PRSS54: variants seen among roughly 807,000 people sequenced by gnomAD.
The protein encoded by PRSS54 is inactive serine protease 54.
PRSS54 carries 16 observed loss-of-function variants against 19.9 expected under a neutral mutation model. The observed-to-expected ratio is 0.80, with a 90% CI of 0.54 to 1.22. PRSS54 has a LOEUF of 1.22. Among genes scored for constraint, PRSS54 ranks in the 50% most tolerant of loss-of-function variants. The probability of loss-of-function intolerance (pLI) is 0.00; values close to 1 mark genes in which losing one functional copy is unlikely to be tolerated. For synonymous variants in PRSS54, 177 were observed against 195.8 expected, an observed-to-expected ratio of 0.90 and a Z score of 0.80; for missense variants, 444 against 494.8, an observed-to-expected ratio of 0.90 and a Z score of 0.97.
chr16:58,288,378 A>C (rs1426690814), intron 4 of PRSS54, among the ~76,000 whole-genome samples: 1 of 152,216 alleles, frequency 6.6e-6, no homozygotes, highest in Non-Finnish European at 1.5e-5. Context: ...GTGAGCTGAG[A>C]TCGCACTGCT....
chr16:58,291,641 C>T (rs528904095), intron 3 of PRSS54, among the ~76,000 whole-genome samples: 7 of 151,992 alleles, frequency 4.6e-5, no homozygotes, highest in Non-Finnish European at 4.4e-5. Context: ...GCCACTACCC[C>T]CCGGCTAAAT....
rs1326319933 is a variant in PRSS54, at chr16:58,286,049, G to A, written c.410C>T (p.Thr137Ile). ...SNNIALLKTD[T>I]AMHFGNLVQS... ...GACCAGGTTGCCAAAATGCATCGCT[G>A]TGTCTGTCTTCAGGAGGGCTATGTT... Residue 137 changes from threonine to isoleucine, a missense_variant, in exon 5 of 7, where the codon ACA (threonine) becomes ATA (isoleucine). By Grantham distance (89) the Thr-to-Ile change is moderately conservative. Transcript: ENST00000567164. 21 of 1,614,232 alleles carry A rather than the reference G, an allele frequency of 1.3e-5. No homozygotes were observed. The highest frequency in any genetic ancestry group is 1.7e-5 in the Admixed American group (1 of 60,028).
chr16:58,287,842 C>A (rs977102214), intron 4 of PRSS54, among the ~76,000 whole-genome samples: 1 of 152,148 alleles, frequency 6.6e-6, no homozygotes, highest in Admixed American at 6.5e-5. Context: ...ATTGTCTAAC[C>A]AAAGTACTGG....
At chr16:58,284,805 A>C in intron 5 of PRSS54, 84 bp from the exon 6 acceptor site, 21 of 1,487,266 alleles carry the variant, frequency 1.4e-5, no homozygotes, top group Non-Finnish European at 1.7e-5. Context: ...ATATAGCCAA[A>C]CGAGAGTGAG....
intron 4 of PRSS54, among the ~76,000 whole-genome samples, chr16:58,288,106 A>G (rs1964957115): frequency 6.6e-6 from 1 of 152,188 alleles, no homozygotes; most frequent in South Asian, 2.1e-4. Flanking sequence ...AAACAAAACA[A>G]AAAACCCTAG....
intron 4 of PRSS54, among the ~76,000 whole-genome samples, chr16:58,289,807 C>A (rs1964997497): frequency 6.6e-6 from 1 of 151,928 alleles, no homozygotes; most frequent in South Asian, 2.1e-4. Flanking sequence ...GAACTCCTGA[C>A]CTCAAGTGAT....
At chr16:58,293,067 G>A (rs1965071009) in intron 3 of PRSS54, among the ~76,000 whole-genome samples, 2 of 152,044 alleles carry the variant, frequency 1.3e-5, no homozygotes, top group African/African-American at 2.4e-5. Flanking sequence ...GTGTGAGTGT[G>A]TGTGCATGTG....
At chr16:58,285,771 C>T (rs1964908710) in intron 5 of PRSS54, among the ~76,000 whole-genome samples, 166 bp downstream of exon 5, 1 of 145,538 alleles carries the variant, frequency 6.9e-6, no homozygotes, top group Admixed American at 6.9e-5. Context: ...AGAGTGGCTA[C>T]AGAAAGCCCT....
chr16:58,292,812 A>G (rs1965064775), intron 3 of PRSS54, among the ~76,000 whole-genome samples: 1 of 152,180 alleles, frequency 6.6e-6, no homozygotes, highest in Non-Finnish European at 1.5e-5. Context: ...TCAAAGCTCT[A>G]GTTGGCTAGT....
intron 4 of PRSS54, 45 bp downstream of exon 4, chr16:58,290,914 C>G: frequency 6.2e-7 from 1 of 1,603,798 alleles, no homozygotes; most frequent in Non-Finnish European, 8.5e-7. Flanking sequence ...CGCCCCCACC[C>G]TCACCCCCGG....
At chr16:58,282,689 T>C (rs1357510271) in intron 6 of PRSS54, 1 of 152,248 alleles carries the variant, frequency 6.6e-6, no homozygotes, top group Admixed American at 6.5e-5. Context: ...GACTTTTCAA[T>C]TGACTGGTGA....
intron 6 of PRSS54, 77 bp from the exon 7 acceptor site, chr16:58,280,834 G>T: frequency 7.4e-7 from 1 of 1,352,592 alleles, no homozygotes. Context: ...GCAATATACT[G>T]TTTGTTCTAG....
intron 4 of PRSS54, 126 bp downstream of exon 4, chr16:58,290,833 A>T: frequency 9.9e-7 from 1 of 1,015,138 alleles, no homozygotes; most frequent in Non-Finnish European, 1.4e-6. Context: ...GCAAGCGCTG[A>T]GCTGGTAAAA....
chr16:58,285,895 C>A lies in PRSS54; in HGVS notation c.522+42G>T, dbSNP rs765667171. 3.7e-6 allele frequency: 6 copies of A among 1,608,510 alleles called. No individual in the cohort carries two copies. In the Admixed American group the frequency reaches 1.0e-4, roughly 27 times the overall value. Reference sequence around the variant, plus strand: ...GGATTATCCAGGTCACCCCCACTGCCAGCACACACGCAGCCTTCTCTGGGA... The same window carrying A: ...GGATTATCCAGGTCACCCCCACTGCAAGCACACACGCAGCCTTCTCTGGGA... On this transcript the variant is annotated intron_variant, in intron 5 of 6. Coordinates refer to ENST00000567164, the MANE Select transcript of PRSS54 (RefSeq NM_001305173.2).
chr16:58,280,128 G>T lies in PRSS54; in HGVS notation c.*96C>A, dbSNP rs1000075756. 8 of 1,275,406 alleles carry T rather than the reference G, an allele frequency of 6.3e-6. No homozygotes were observed. In the African/African-American group the frequency reaches 7.5e-5, roughly 12 times the overall value. 79.0% of individuals were successfully genotyped at this position (1,275,406 alleles called of 1,614,324 possible). On this transcript the variant is annotated 3_prime_UTR_variant, in exon 7 of 7. Coordinates refer to ENST00000567164, the MANE Select transcript of PRSS54 (RefSeq NM_001305173.2). ...TGGGCTTATCCGTGGCAGCCCCAGT[G>T]TGCAACTATCAAAAACAGACATCAA...
Position 58,293,764 on chromosome 16 carries a change from A to T in PRSS54, c.53T>A (p.Leu18Gln). The T allele has an allele frequency of 6.2e-7, 1 of 1,613,484 alleles. No individual in the cohort carries two copies. Among genetic ancestry groups the T allele is most frequent in the Non-Finnish European group, 8.5e-7 (1 of 1,179,780 alleles). ...AGAATAGAGAAGGCCGAGCAGCACC[A>T]GGAGCACCCCTCGCATCTTGCCATC... ...SGDGKMRGVL[L>Q]VLLGLLYSST... is the part of the protein sequence containing the mutation. Residue 18 changes from leucine to glutamine, a missense_variant, in exon 3 of 7, where the codon CTG (leucine) becomes CAG (glutamine). Transcript: ENST00000567164.
At position 58,290,969 on chromosome 16, in the gene PRSS54, T is replaced by A; in HGVS notation, c.253A>T (p.Ile85Phe). 1.2e-6 allele frequency: 2 copies of A among 1,614,202 alleles called. No individual in the cohort carries two copies. The highest frequency in any genetic ancestry group is 8.5e-7 in the Non-Finnish European group (1 of 1,180,034). Reference sequence around the variant, plus strand: ...GGCAGGGGCACTGGCCTGTTCTGAATGGCGGATGCGATGCTGAGGACCCAG... The same window carrying A: ...GGCAGGGGCACTGGCCTGTTCTGAAAGGCGGATGCGATGCTGAGGACCCAG... ...EFWVLSIASAIQNRKDIVVIV... is the reference protein window; with the variant it reads ...EFWVLSIASAFQNRKDIVVIV... Residue 85 changes from isoleucine to phenylalanine, a missense_variant, in exon 4 of 7, where the codon ATT becomes TTT. Transcript: ENST00000567164.
intron 5 of PRSS54, among the ~76,000 whole-genome samples, chr16:58,285,696 C>CA (rs1269400979): frequency 7.1e-6 from 1 of 139,938 alleles, no homozygotes; most frequent in Non-Finnish European, 1.5e-5. Flanking sequence ...GCCGTGATGG[C>CA]ACCACTGCAT....
intron 4 of PRSS54, among the ~76,000 whole-genome samples, chr16:58,286,757 C>T (rs182911243): frequency 1.6e-3 from 241 of 152,102 alleles, no homozygotes; most frequent in African/African-American, 2.0e-3. Context: ...AACCAAGAGA[C>T]GCTAAAGAAT....
Sources: allele counts gnomAD v4.1 joint callset (sites outside exome capture counted in the v4.1 genomes callset), GRCh38; gene constraint gnomAD v4.1.1; transcripts MANE v1.5; gene names NCBI Gene and HGNC (gene_info 2026-07-23, HGNC 2026-07-21).